The following EEIG2 variants were observed in gnomAD, a reference collection of about 807,000 sequenced individuals.
EEIG2 encodes family with sequence similarity 102 member B.
chr1:108,595,531 A>G, the EEIG2 span, among the ~76,000 whole-genome samples: 106,330 of 131,994 alleles, frequency 0.81, 44,943 homozygotes, highest in Non-Finnish European at 0.94. Flanking sequence ...GGGAGGGAGG[A>G]AAAAAATGTA....
the EEIG2 span, among the ~76,000 whole-genome samples, chr1:108,634,742 T>C: frequency 6.6e-6 from 1 of 152,192 alleles, no homozygotes; most frequent in Non-Finnish European, 1.5e-5. Context: ...ATTAACTCAG[T>C]GCAAGTCCTG....
At chr1:108,594,963 AT>A in the EEIG2 span, among the ~76,000 whole-genome samples, 1 of 151,970 alleles carries the variant, frequency 6.6e-6, no homozygotes, top group Non-Finnish European at 1.5e-5. Flanking sequence ...TTCTGCTAAT[AT>A]TTCTTTCCTG....
At chr1:108,602,834 A>G in the EEIG2 span, among the ~76,000 whole-genome samples, 4 of 151,856 alleles carry the variant, frequency 2.6e-5, no homozygotes, top group African/African-American at 9.7e-5. Context: ...TGATCATGCC[A>G]CTGTACTCCA....
At chr1:108,563,312 C>A in the EEIG2 span, among the ~76,000 whole-genome samples, 2 of 152,138 alleles carry the variant, frequency 1.3e-5, no homozygotes, top group African/African-American at 4.8e-5. Context: ...GGCATTGAGT[C>A]TCTAATGAGT....
chr1:108,586,559 T>C, the EEIG2 span, among the ~76,000 whole-genome samples: 1 of 152,104 alleles, frequency 6.6e-6, no homozygotes, highest in African/African-American at 2.4e-5. Context: ...CCTCCTCTTT[T>C]TACCATGTGG....
chr1:108,597,946 G>A, the EEIG2 span, among the ~76,000 whole-genome samples: 1 of 152,172 alleles, frequency 6.6e-6, no homozygotes, highest in African/African-American at 2.4e-5. Context: ...CAGGACATCA[G>A]TGTTTATATC....
chr1:108,613,595 C>T, the EEIG2 span, among the ~76,000 whole-genome samples: 1 of 152,154 alleles, frequency 6.6e-6, no homozygotes, highest in African/African-American at 2.4e-5. Context: ...GTCTCTCCCA[C>T]TTTGTCCTAC....
At chr1:108,608,318 C>T in the EEIG2 span, among the ~76,000 whole-genome samples, 3 of 152,220 alleles carry the variant, frequency 2.0e-5, no homozygotes, top group Non-Finnish European at 4.4e-5. Context: ...GTGTCTTCCT[C>T]TATCACAGCA....
chr1:108,575,711 A>T, the EEIG2 span, among the ~76,000 whole-genome samples: 76 of 150,958 alleles, frequency 5.0e-4, no homozygotes, highest in African/African-American at 1.7e-3. Context: ...AGCTAGTCAC[A>T]AAAAAACACA....
chr1:108,564,908 A>G, the EEIG2 span, among the ~76,000 whole-genome samples: 1 of 152,074 alleles, frequency 6.6e-6, no homozygotes, highest in Non-Finnish European at 1.5e-5. Context: ...GATCACCACC[A>G]CTGCACTCCA....
At chr1:108,606,338 T>G in the EEIG2 span, 2 of 891,848 alleles carry the variant, frequency 2.2e-6, no homozygotes, top group South Asian at 4.5e-5. Flanking sequence ...TGTTTACTCT[T>G]CTAATATCTG....
the EEIG2 span, among the ~76,000 whole-genome samples, chr1:108,621,604 G>T: frequency 1.3e-5 from 2 of 152,088 alleles, no homozygotes; most frequent in African/African-American, 2.4e-5. Flanking sequence ...GAGGGAAGGG[G>T]CCAATGTTTG....
the EEIG2 span, among the ~76,000 whole-genome samples, chr1:108,621,773 C>A: frequency 6.6e-6 from 1 of 151,808 alleles, no homozygotes; most frequent in East Asian, 1.9e-4. Flanking sequence ...CTGTAGGCTC[C>A]ATTCTTTGTG....
At chr1:108,620,776 C>T in the EEIG2 span, among the ~76,000 whole-genome samples, 1 of 152,158 alleles carries the variant, frequency 6.6e-6, no homozygotes, top group Non-Finnish European at 1.5e-5. Context: ...TGCAATCATT[C>T]ATTCGGTACA....
the EEIG2 span, among the ~76,000 whole-genome samples, chr1:108,618,160 C>T: frequency 6.6e-6 from 1 of 152,084 alleles, no homozygotes; most frequent in Non-Finnish European, 1.5e-5. Context: ...AGTATTGGCT[C>T]AACAAGAGGG....
At chr1:108,594,994 A>T in the EEIG2 span, among the ~76,000 whole-genome samples, 2 of 151,736 alleles carry the variant, frequency 1.3e-5, no homozygotes, top group Middle Eastern at 6.8e-3. Context: ...TTTGTTTCTT[A>T]AAAAAAAATT....
the EEIG2 span, among the ~76,000 whole-genome samples, chr1:108,616,890 G>T: frequency 6.6e-6 from 1 of 152,124 alleles, no homozygotes; most frequent in Non-Finnish European, 1.5e-5. Context: ...CGGTTCATAA[G>T]CGCTTTGGAG....
chr1:108,619,397 C>T, the EEIG2 span, among the ~76,000 whole-genome samples: 1 of 152,206 alleles, frequency 6.6e-6, no homozygotes, highest in Non-Finnish European at 1.5e-5. Flanking sequence ...CACATTCATA[C>T]ACTTGCACAT....
At chr1:108,608,172 A>G in the EEIG2 span, among the ~76,000 whole-genome samples, 2 of 151,922 alleles carry the variant, frequency 1.3e-5, no homozygotes, top group Admixed American at 1.3e-4. Context: ...TAGCCTTTTG[A>G]TTTGTAACTT....
Sources: gnomAD v4.1 joint callset for allele counts (sites outside exome capture counted in the v4.1 genomes callset) on GRCh38, gnomAD v4.1.1 for gene constraint, MANE v1.5 for transcripts, NCBI Gene and HGNC (gene_info 2026-07-23, HGNC 2026-07-21) for gene names.